The following CELF2 variants were observed in gnomAD, a reference collection of about 807,000 sequenced individuals.
CELF2 encodes CUG triplet repeat RNA-binding protein 2.
CELF2 carries 8 observed loss-of-function variants against 62.6 expected under a neutral mutation model. The observed-to-expected ratio is 0.13, with a 90% CI of 0.07 to 0.23. The LOEUF is 0.23. CELF2 is among the 10% of genes least tolerant of loss of function. The pLI is 1.00. For synonymous variants in CELF2, 258 were observed against 250.0 expected, an observed-to-expected ratio of 1.03 and a Z score of -0.30; for missense variants, 333 against 671.0, an observed-to-expected ratio of 0.50 and a Z score of 5.56.
At chr10:11,048,273 GAA>G (rs2063229778) in intron 1 of CELF2, among the ~76,000 whole-genome samples, 1 of 152,228 alleles carries the variant, frequency 6.6e-6, no homozygotes, top group African/African-American at 2.4e-5. Context: ...CTTGACAATA[GAA>G]AAGTTGACCT....
intron 1 of CELF2, among the ~76,000 whole-genome samples, chr10:10,882,827 T>C (rs564689405): frequency 6.6e-6 from 1 of 152,210 alleles, no homozygotes; most frequent in South Asian, 2.1e-4. Context: ...AAGTTCTGGG[T>C]GCACTGCTAA....
chr10:11,037,277 C>A (rs139799018), intron 1 of CELF2, among the ~76,000 whole-genome samples: 3 of 152,192 alleles, frequency 2.0e-5, no homozygotes, highest in Admixed American at 6.5e-5. Context: ...GACTTACTGT[C>A]GTGAGAACAG....
In CELF2 at chr10:11,244,053, C is replaced by T. The variant is rs559736738; in HGVS notation, c.355-5100C>T. ...CTGGGACCTGCAGGCATGTGCAGGG[C>T]ACAGCATGAGATCCTGCCTCCAGCC... On this transcript the variant is annotated intron_variant, in intron 3 of 12. Coordinates refer to ENST00000633077, the MANE Select transcript of CELF2 (RefSeq NM_001326342.2). The surrounding 1 kb of genome is among the most constrained non-coding windows in gnomAD (Gnocchi z 4.2). 1.8e-4 allele frequency among the ~76,000 whole-genome samples: 28 copies of T among 152,326 alleles called. No individual in the cohort carries two copies. Among genetic ancestry groups the T allele is most frequent in the Non-Finnish European group, 3.4e-4 (23 of 68,024 alleles).
Position 11,260,406 on chromosome 10 carries a change from A to G in CELF2, c.538+2534A>G, listed in dbSNP as rs1239347071. On this transcript the variant is annotated intron_variant, in intron 5 of 12. Coordinates refer to ENST00000633077, the MANE Select transcript of CELF2 (RefSeq NM_001326342.2). The surrounding 1 kb of genome is among the most constrained non-coding windows in gnomAD (Gnocchi z 4.2). ...CGCCTGCAGCGTTCAGAGCTCCTTGAGCATACATCAGTTATTTCTGCAGAT... is the reference window on the plus strand; with the variant it reads ...CGCCTGCAGCGTTCAGAGCTCCTTGGGCATACATCAGTTATTTCTGCAGAT... 6.6e-6 allele frequency among the ~76,000 whole-genome samples: 1 copy of G among 152,202 alleles called. No homozygotes were observed. Among genetic ancestry groups the G allele is most frequent in the East Asian group, 1.9e-4 (1 of 5,196 alleles).
At chr10:11,216,784 A>C (rs566211185) in intron 2 of CELF2, among the ~76,000 whole-genome samples, 1 of 152,250 alleles carries the variant, frequency 6.6e-6, no homozygotes, top group Non-Finnish European at 1.5e-5. Flanking sequence ...TATGTAATGC[A>C]TGGGCCAGAG....
chr10:10,548,215 C>A, the CELF2 span, among the ~76,000 whole-genome samples: 33 of 152,332 alleles, frequency 2.2e-4, no homozygotes, highest in African/African-American at 7.5e-4. Flanking sequence ...CAGGGATACC[C>A]TGTGGTCCCT....
At chr10:11,161,912 A>G (rs987230866) in intron 1 of CELF2, among the ~76,000 whole-genome samples, 5 of 152,186 alleles carry the variant, frequency 3.3e-5, no homozygotes, top group Non-Finnish European at 5.9e-5. Context: ...TGAACACATA[A>G]TTTCTGGCTT....
intron 1 of CELF2, among the ~76,000 whole-genome samples, chr10:11,023,835 G>T (rs562861305): frequency 5.3e-5 from 8 of 152,304 alleles, no homozygotes; most frequent in African/African-American, 1.9e-4. Flanking sequence ...ACTGCAGATT[G>T]TATGTTCTGT....
chr10:10,642,709 T>G, the CELF2 span, among the ~76,000 whole-genome samples: 2 of 152,360 alleles, frequency 1.3e-5, no homozygotes, highest in East Asian at 3.9e-4. Flanking sequence ...CCCCTAAAAA[T>G]AGCAAAAGGA....
At chr10:10,728,617 A>G in the CELF2 span, among the ~76,000 whole-genome samples, 2 of 152,068 alleles carry the variant, frequency 1.3e-5, no homozygotes, top group African/African-American at 4.8e-5. Flanking sequence ...GGTGAATAGG[A>G]GAGGGTGGGG....
chr10:10,574,633 T>C, the CELF2 span, among the ~76,000 whole-genome samples: 1 of 152,190 alleles, frequency 6.6e-6, no homozygotes, highest in African/African-American at 2.4e-5. Context: ...AGTATTCTCG[T>C]ATTTGTGAAG....
chr10:10,660,517 G>A, the CELF2 span, among the ~76,000 whole-genome samples: 34 of 152,084 alleles, frequency 2.2e-4, 1 homozygote, highest in Admixed American at 2.0e-4. Context: ...TTCTCCACCC[G>A]CTCCATTCAG....
intron 1 of CELF2, among the ~76,000 whole-genome samples, chr10:10,874,385 A>G (rs980586589): frequency 6.6e-6 from 1 of 152,144 alleles, no homozygotes; most frequent in African/African-American, 2.4e-5. Context: ...AAAATAAAAA[A>G]GAAAGAACGC....
the CELF2 span, among the ~76,000 whole-genome samples, chr10:10,712,610 A>G: frequency 6.6e-6 from 1 of 152,134 alleles, no homozygotes; most frequent in African/African-American, 2.4e-5. Flanking sequence ...TTCTACTGAG[A>G]CCAGTATTCA....
At chr10:11,135,719 TC>T (rs2060327639) in intron 1 of CELF2, among the ~76,000 whole-genome samples, 1 of 152,186 alleles carries the variant, frequency 6.6e-6, no homozygotes, top group Non-Finnish European at 1.5e-5. Flanking sequence ...TCATTACTGC[TC>T]CCCCACATTT....
chr10:10,919,564 A>G lies in CELF2; in HGVS notation c.54-400A>G, dbSNP rs149389553. Among the ~76,000 whole-genome samples, 725 of 152,332 alleles carry G rather than the reference A, an allele frequency of 4.8e-3. 6 individuals carry two copies. The highest frequency in any genetic ancestry group is 0.027 in the Middle Eastern group (8 of 294). On this transcript the variant is annotated intron_variant, in intron 1 of 13. Coordinates refer to the CELF2 transcript ENST00000636488. ...GGTCAACATGAAGCAACATCCCCAA[A>G]GGAATACATTTCTCAGAGATTCTTG... is the stretch of plus-strand genomic sequence containing the variant.
At chr10:10,899,174 A>G (rs1378168761) in intron 1 of CELF2, among the ~76,000 whole-genome samples, 1 of 152,238 alleles carries the variant, frequency 6.6e-6, no homozygotes, top group Non-Finnish European at 1.5e-5. Flanking sequence ...TTAAGAAACT[A>G]CAAAAAGAAG....
the CELF2 span, among the ~76,000 whole-genome samples, chr10:10,712,163 A>AAC: frequency 2.7e-5 from 4 of 149,394 alleles, no homozygotes; most frequent in Admixed American, 6.6e-5. Context: ...AAAAAAAAAA[A>AAC]AAAAAAAAAA....
intron 1 of CELF2, among the ~76,000 whole-genome samples, chr10:10,820,892 G>A (rs1438185222): frequency 1.3e-5 from 2 of 152,192 alleles, no homozygotes; most frequent in East Asian, 1.9e-4. Context: ...ATGGTGGAGA[G>A]GATGCATTTG....
Sources: gnomAD v4.1 joint callset for allele counts (sites outside exome capture counted in the v4.1 genomes callset) on GRCh38, gnomAD v4.1.1 for gene constraint, Gnocchi (gnomAD v3.1) non-coding constraint, MANE v1.5 for transcripts, NCBI Gene and HGNC (gene_info 2026-07-23, HGNC 2026-07-21) for gene names.